NRDC: variants seen among roughly 807,000 people sequenced by gnomAD.
NRDC encodes nardilysin convertase.
In NRDC, 54 loss-of-function variants were observed where a neutral mutation model predicts 147.1. The ratio of observed to expected loss-of-function variants is 0.37; its 90% CI spans 0.29 to 0.46. The LOEUF is 0.46. NRDC is among the 20% of genes least tolerant of loss of function. NRDC has a pLI of 1.00. For missense variants in NRDC, 1,082 were observed against 1,370.6 expected, an observed-to-expected ratio of 0.79 and a Z score of 3.33; for synonymous variants, 440 against 482.1, an observed-to-expected ratio of 0.91 and a Z score of 1.14.
chr1:51,805,786 G>A (rs1388098564), intron 18 of NRDC, among the ~76,000 whole-genome samples: 1 of 152,102 alleles, frequency 6.6e-6, no homozygotes, highest in Admixed American at 6.6e-5. Context: ...CCAGACATAA[G>A]GGCAGATACT....
At chr1:51,870,021 T>TACA (rs1483984132) in intron 1 of NRDC, among the ~76,000 whole-genome samples, 1 of 152,242 alleles carries the variant, frequency 6.6e-6, no homozygotes, top group Non-Finnish European at 1.5e-5. Flanking sequence ...TAGCTGGGAT[T>TACA]ACAAGTATGT....
chr1:51,847,334 G>A (rs533194485), intron 1 of NRDC, among the ~76,000 whole-genome samples: 24 of 152,362 alleles, frequency 1.6e-4, no homozygotes, highest in Middle Eastern at 3.4e-3. Context: ...ATCCAGCACC[G>A]GGCCAGCAGG....
intron 1 of NRDC, among the ~76,000 whole-genome samples, chr1:51,872,973 A>C (rs1467300460): frequency 6.6e-6 from 1 of 152,154 alleles, no homozygotes; most frequent in Non-Finnish European, 1.5e-5. Context: ...GAATTTACAC[A>C]CATGGAAGTC....
chr1:51,792,468 T>C (rs1298648888), intron 24 of NRDC, 44 bp from the exon 25 acceptor site: 5 of 1,592,506 alleles, frequency 3.1e-6, no homozygotes, highest in Middle Eastern at 1.7e-4. Flanking sequence ...TCCAGTGGTT[T>C]ACAGGGCTTT....
intron 28 of NRDC, 36 bp downstream of exon 28, chr1:51,790,864 G>GGGCCAAA: frequency 6.5e-7 from 1 of 1,545,954 alleles, no homozygotes; most frequent in Non-Finnish European, 8.9e-7. Flanking sequence ...GGGCTTGTGT[G>GGGCCAAA]GGCCAAAGGC....
chr1:51,823,651 A>G lies in NRDC; in HGVS notation c.1159+13T>C. The G allele has an allele frequency of 1.9e-6, 3 of 1,601,574 alleles. No homozygotes were observed. Among genetic ancestry groups the G allele is most frequent in the Non-Finnish European group, 2.6e-6 (3 of 1,172,748 alleles). On this transcript the variant is annotated intron_variant, in intron 7 of 30. Coordinates refer to ENST00000352171, the MANE Select transcript of NRDC (RefSeq NM_001101662.2). ...ACTTCAAGGTAACTCTAAGAGCCAT[A>G]ATTAATAGTTACCTTTGGATTGAAC... is the stretch of plus-strand genomic sequence containing the variant.
chr1:51,790,802 G>T, intron 28 of NRDC, 98 bp downstream of exon 28: 1 of 1,037,208 alleles, frequency 9.6e-7, no homozygotes, highest in Non-Finnish European at 1.5e-6. Context: ...GGAAGGTGGG[G>T]CTGCAAAGCT....
At chr1:51,845,110 C>A (rs1038738891) in intron 1 of NRDC, among the ~76,000 whole-genome samples, 11 of 152,194 alleles carry the variant, frequency 7.2e-5, no homozygotes, top group African/African-American at 2.7e-4. Flanking sequence ...ACCTCTCCAA[C>A]CTTCTTTCCC....
chr1:51,840,347 T>C lies in NRDC; in HGVS notation c.509A>G (p.Glu170Gly), dbSNP rs753752054. 1.4e-5 allele frequency: 22 copies of C among 1,529,834 alleles called. No individual in the cohort carries two copies. Among genetic ancestry groups the C allele is most frequent in the Non-Finnish European group, 1.9e-5 (21 of 1,103,878 alleles). The allele number at this position is 1,529,834 out of a possible 1,614,324, so 94.8% of individuals were successfully genotyped here. The change falls in exon 2 of 31, where the codon GAG becomes GGG. Residue 170 changes from glutamate to glycine, a missense_variant. Glu to Gly is a moderately conservative substitution (Grantham distance 98, BLOSUM62 -2). Transcript: ENST00000352171. ...AAACTCATCTTCATCATCAAAACCCTCTTCATCGTCATCTTCTATTTCAGC... is the reference window on the plus strand; with the variant it reads ...AAACTCATCTTCATCATCAAAACCCCCTTCATCGTCATCTTCTATTTCAGC... ...SGAEIEDDDE[E>G]GFDDEDEFDD... is the part of the protein sequence containing the mutation.
At chr1:51,836,520 T>C in intron 2 of NRDC, 1 of 1,265,084 alleles carries the variant, frequency 7.9e-7, no homozygotes, top group Non-Finnish European at 1.1e-6. Context: ...CATGTCAGCA[T>C]TTCATAATTC....
chr1:51,795,237 A>C, intron 22 of NRDC: 2 of 1,289,656 alleles, frequency 1.6e-6, no homozygotes, highest in Non-Finnish European at 1.0e-6. Flanking sequence ...ATAACATTTA[A>C]TACTGAGTGA....
chr1:51,839,574 A>G (rs947854496), intron 2 of NRDC, among the ~76,000 whole-genome samples: 3 of 152,188 alleles, frequency 2.0e-5, no homozygotes, highest in African/African-American at 7.2e-5. Context: ...TTCAAAAGAT[A>G]TTAAGAAATT....
At chr1:51,869,997 C>G (rs973328293) in intron 1 of NRDC, among the ~76,000 whole-genome samples, 3 of 152,230 alleles carry the variant, frequency 2.0e-5, no homozygotes, top group Non-Finnish European at 4.4e-5. Context: ...ATCCTCCCAT[C>G]TCAGCCTCCC....
chr1:51,857,788 A>G (rs761923257), intron 1 of NRDC, among the ~76,000 whole-genome samples: 3 of 152,202 alleles, frequency 2.0e-5, no homozygotes, highest in Admixed American at 6.5e-5. Context: ...GTAATATTAC[A>G]GTGGGTGCAG....
At chr1:51,875,622 G>C (rs372577679) in intron 1 of NRDC, among the ~76,000 whole-genome samples, 1 of 150,868 alleles carries the variant, frequency 6.6e-6, no homozygotes, top group East Asian at 1.9e-4. Flanking sequence ...GCAGTGGCAC[G>C]ATCATGGCTC....
At chr1:51,808,396 CT>C (rs1679563162) in intron 17 of NRDC, among the ~76,000 whole-genome samples, 1 of 152,144 alleles carries the variant, frequency 6.6e-6, no homozygotes, top group Non-Finnish European at 1.5e-5. Flanking sequence ...TATCTGTGAC[CT>C]TTTGTGTCTA....
chr1:51,829,371 T>C (rs1680600537), intron 4 of NRDC, among the ~76,000 whole-genome samples: 2 of 152,244 alleles, frequency 1.3e-5, no homozygotes, highest in African/African-American at 4.8e-5. Context: ...AAGATATTTT[T>C]ATTTAGTGTA....
intron 1 of NRDC, among the ~76,000 whole-genome samples, chr1:51,877,782 T>C (rs985749679): frequency 7.9e-5 from 12 of 152,188 alleles, no homozygotes; most frequent in African/African-American, 2.9e-4. Context: ...CACTTCAACT[T>C]AGGCCAAATA....
intron 26 of NRDC, 148 bp downstream of exon 26, chr1:51,791,898 C>G (rs1678675082): frequency 8.1e-6 from 7 of 861,972 alleles, no homozygotes; most frequent in Non-Finnish European, 1.3e-5. Flanking sequence ...GTCAAAGATA[C>G]AAATTCCAAA....
Sources: gnomAD v4.1 joint callset for allele counts (sites outside exome capture counted in the v4.1 genomes callset) on GRCh38, gnomAD v4.1.1 for gene constraint, MANE v1.5 for transcripts, NCBI Gene and HGNC (gene_info 2026-07-23, HGNC 2026-07-21) for gene names.